HDDC2: variants seen among roughly 807,000 people sequenced by gnomAD.
The protein encoded by HDDC2 is HD domain containing 2, also known as 5'-deoxynucleotidase HDDC2.
A neutral mutation model predicts 25.5 loss-of-function variants in HDDC2; 25 were observed. The ratio of observed to expected loss-of-function variants is 0.98; its 90% CI spans 0.72 to 1.37. The LOEUF is 1.37. Among genes scored for constraint, HDDC2 ranks in the 40% most tolerant of loss-of-function variants. The pLI is 0.00. For synonymous variants in HDDC2, 106 were observed against 89.7 expected (o/e 1.18, Z -1.03); for missense variants, 264 against 253.1 (o/e 1.04, Z -0.29).
chr6:125,277,247 A>T lies in HDDC2; in HGVS notation c.379-7T>A. 6.2e-7 allele frequency: 1 copy of T among 1,613,856 alleles called. No homozygotes were observed. Among genetic ancestry groups the T allele is most frequent in the South Asian group, 1.1e-5 (1 of 90,996 alleles). On this transcript the variant is annotated splice_region_variant and splice_polypyrimidine_tract_variant and intron_variant, in intron 4 of 5. Coordinates refer to ENST00000398153, the MANE Select transcript of HDDC2 (RefSeq NM_016063.3). ...TAGATTGGGTCTCGTACTCCTAAGT[A>T]AAGGGACAATTAAAGCAGCATGATT...
At chr6:125,282,779 C>T (rs911814222) in intron 4 of HDDC2, among the ~76,000 whole-genome samples, 2 of 151,958 alleles carry the variant, frequency 1.3e-5, no homozygotes, top group African/African-American at 2.4e-5. Flanking sequence ...ATCTTACGTG[C>T]GAAGACACAC....
intron 1 of HDDC2, 86 bp from the exon 2 acceptor site, chr6:125,300,745 C>G: frequency 7.6e-7 from 1 of 1,319,504 alleles, no homozygotes; most frequent in Non-Finnish European, 1.0e-6. Context: ...CAGGATATAA[C>G]ACACAGAAGC....
rs1209808465 is a variant in HDDC2 at position 125,301,894 on chromosome 6, C to T, written c.39G>A (p.Gly13=). Residue 13 remains glycine, a synonymous_variant, in exon 1 of 6, where the codon GGG becomes GGA. Transcript: ENST00000398153. ...GCAGGAACTGCAGTAGGGACCGAGC[C>T]CCGTGGCCCGAGAAGGTCGCAGAGG... ...SVSSATFSGH[G]ARSLLQFLRL... is the part of the protein sequence containing the mutation. The T allele has an allele frequency of 6.4e-7, 1 of 1,551,938 alleles. No individual in the cohort carries two copies. Among genetic ancestry groups the T allele is most frequent in the Non-Finnish European group, 8.7e-7 (1 of 1,149,570 alleles).
chr6:125,299,855 T>C (rs1798768875), intron 2 of HDDC2, among the ~76,000 whole-genome samples: 1 of 152,198 alleles, frequency 6.6e-6, no homozygotes, highest in Non-Finnish European at 1.5e-5. Flanking sequence ...TGCCCTTCTC[T>C]CTGCATGCAG....
At chr6:125,282,761 G>A (rs963660692) in intron 4 of HDDC2, among the ~76,000 whole-genome samples, 2 of 152,180 alleles carry the variant, frequency 1.3e-5, no homozygotes, top group Non-Finnish European at 2.9e-5. Context: ...GCTATATTCA[G>A]GAGACCCATC....
intron 1 of HDDC2, among the ~76,000 whole-genome samples, chr6:125,301,484 A>ACACACACGCGCGCG (rs201300858): frequency 2.3e-5 from 3 of 132,806 alleles, no homozygotes; most frequent in African/African-American, 8.7e-5. Flanking sequence ...GGTCGTGAGC[A>ACACACACGCGCGCG]CACACACACA....
chr6:125,297,020 T>G (rs79348005), intron 3 of HDDC2, among the ~76,000 whole-genome samples: 1,925 of 152,330 alleles, frequency 0.013, 42 homozygotes, highest in African/African-American at 0.044. Context: ...CATTTTTCCT[T>G]GCCTTCTCTT....
At chr6:125,290,365 A>C (rs1583053089) in intron 4 of HDDC2, among the ~76,000 whole-genome samples, 1 of 152,228 alleles carries the variant, frequency 6.6e-6, no homozygotes, top group South Asian at 2.1e-4. Flanking sequence ...GCTAGTAAAC[A>C]GGGGAGCCAC....
At chr6:125,286,215 G>A (rs1042568796) in intron 4 of HDDC2, among the ~76,000 whole-genome samples, 2 of 152,186 alleles carry the variant, frequency 1.3e-5, no homozygotes, top group African/African-American at 4.8e-5. Flanking sequence ...ATAAGGACTG[G>A]TGATAAACAT....
rs774204361 is a variant in HDDC2, at chr6:125,300,632, T to A, written c.112A>T (p.Arg38Ter). Residue 38 changes from arginine to a stop codon, truncating the protein, a stop_gained, in exon 2 of 6, where the codon AGA (arginine) becomes TGA (stop). Transcript: ENST00000398153. LOFTEE classifies it high-confidence loss of function. ...KRVPRTGWVYRNVQRPESVSD... is the reference protein window; with the variant it reads ...KRVPRTGWVY ...ACGCTCTCCGGCCTCTGGACATTTC[T>A]GTATACCCAGCCAGTTCGTGGGACT... 5.6e-6 allele frequency: 9 copies of A among 1,613,980 alleles called. No homozygotes were observed. In the African/African-American group the frequency reaches 9.3e-5, roughly 17 times the overall value.
chr6:125,281,202 G>A (rs190052795), intron 4 of HDDC2, among the ~76,000 whole-genome samples: 89 of 152,180 alleles, frequency 5.8e-4, no homozygotes, highest in African/African-American at 1.6e-3. Context: ...CCATCCAAAG[G>A]TCACCAACAG....
intron 4 of HDDC2, among the ~76,000 whole-genome samples, chr6:125,287,722 A>T (rs1335384556): frequency 6.6e-6 from 1 of 152,188 alleles, no homozygotes; most frequent in African/African-American, 2.4e-5. Flanking sequence ...TGGCCCCGAG[A>T]GGAAGACACA....
chr6:125,294,731 A>G (rs1333685908), intron 3 of HDDC2, among the ~76,000 whole-genome samples: 1 of 152,208 alleles, frequency 6.6e-6, no homozygotes, highest in African/African-American at 2.4e-5. Flanking sequence ...AGAACTGAAT[A>G]CAGTGATATA....
intron 3 of HDDC2, among the ~76,000 whole-genome samples, chr6:125,296,113 TA>T (rs34477519): frequency 0.064 from 9,000 of 140,402 alleles, 388 homozygotes; most frequent in Non-Finnish European, 0.097. Context: ...CAACCATAGA[TA>T]AAAAAAAAAA....
intron 4 of HDDC2, chr6:125,279,133 A>T (rs1798418906): frequency 6.6e-6 from 1 of 152,218 alleles, no homozygotes; most frequent in African/African-American, 2.4e-5. Context: ...AGAATAGGAG[A>T]ATCTCAAAAG....
Position 125,298,803 on chromosome 6 carries a change from C to A in HDDC2, c.220G>T (p.Ala74Ser), listed in dbSNP as rs2115118464. Reference sequence around the variant, plus strand: ...CATTCTGCCATATCATGAACCAGGGCTAGGCGTACACATCTGATCAGGCAA... The same window carrying A: ...CATTCTGCCATATCATGAACCAGGGATAGGCGTACACATCTGATCAGGCAA... ...RLNKDRCVRLALVHDMAECIV... is the reference protein window; with the variant it reads ...RLNKDRCVRLSLVHDMAECIV... The change falls in exon 3 of 6, where the codon GCC (alanine) becomes TCC (serine). Residue 74 changes from alanine to serine, a missense_variant. Transcript: ENST00000398153. 1 of 1,613,470 alleles carries A rather than the reference C, an allele frequency of 6.2e-7. No individual in the cohort carries two copies. The highest frequency in any genetic ancestry group is 8.5e-7 in the Non-Finnish European group (1 of 1,179,496).
chr6:125,276,334 G>A, intron 5 of HDDC2, 91 bp from the exon 6 acceptor site: 1 of 929,798 alleles, frequency 1.1e-6, no homozygotes, highest in Non-Finnish European at 1.7e-6. Context: ...TTCACTGGGG[G>A]CTCTAGTCTA....
chr6:125,290,151 A>G (rs1322060712), intron 4 of HDDC2, among the ~76,000 whole-genome samples: 8 of 152,236 alleles, frequency 5.3e-5, no homozygotes. Flanking sequence ...AAGCTCAGTG[A>G]GTACAGAATG....
intron 4 of HDDC2, among the ~76,000 whole-genome samples, chr6:125,286,053 A>T (rs1233125191): frequency 6.6e-6 from 1 of 152,214 alleles, no homozygotes; most frequent in African/African-American, 2.4e-5. Context: ...GGGAACAAGG[A>T]TTTTACATGC....
Sources: gnomAD v4.1 joint callset for allele counts (sites outside exome capture counted in the v4.1 genomes callset) on GRCh38, gnomAD v4.1.1 for gene constraint, MANE v1.5 for transcripts, NCBI Gene and HGNC (gene_info 2026-07-23, HGNC 2026-07-21) for gene names.